PTDSS1: variants seen among roughly 807,000 people sequenced by gnomAD.
The protein encoded by PTDSS1 is phosphatidylserine synthase 1.
PTDSS1 carries 45 observed loss-of-function variants against 70.5 expected under a neutral mutation model. The observed-to-expected ratio is 0.64, with a 90% CI of 0.50 to 0.82. The LOEUF (loss-of-function observed/expected upper bound fraction) is 0.82. PTDSS1 is among the 40% of genes least tolerant of loss of function. The pLI is 0.00. For synonymous variants in PTDSS1, 188 were observed against 203.8 expected (o/e 0.92, Z 0.66); for missense variants, 417 against 586.1 (o/e 0.71, Z 2.98).
At chr8:96,290,417 C>T (rs1162476597) in intron 4 of PTDSS1, among the ~76,000 whole-genome samples, 1 of 152,198 alleles carries the variant, frequency 6.6e-6, no homozygotes, top group African/African-American at 2.4e-5. Flanking sequence ...ATGCTCTTGA[C>T]ACCTGGCTTT....
intron 12 of PTDSS1, 111 bp from the exon 13 acceptor site, chr8:96,333,346 G>A (rs755269236): frequency 4.0e-5 from 35 of 864,482 alleles, no homozygotes; most frequent in Non-Finnish European, 6.2e-5. Context: ...TAGGGGGAGT[G>A]CACGTATCAG....
chr8:96,276,970 G>T (rs1266819505), intron 2 of PTDSS1, among the ~76,000 whole-genome samples: 16 of 115,508 alleles, frequency 1.4e-4, no homozygotes, highest in African/African-American at 5.1e-4. Flanking sequence ...ATACACGCGC[G>T]CACGCGCGCG....
At chr8:96,266,177 C>T (rs1346223696) in intron 1 of PTDSS1, among the ~76,000 whole-genome samples, 1 of 152,198 alleles carries the variant, frequency 6.6e-6, no homozygotes, top group Non-Finnish European at 1.5e-5. Context: ...AAGAAGCCCA[C>T]CTCTCCTTAA....
chr8:96,325,466 C>G (rs1811425862), intron 10 of PTDSS1, among the ~76,000 whole-genome samples: 1 of 152,148 alleles, frequency 6.6e-6, no homozygotes, highest in Non-Finnish European at 1.5e-5. Context: ...TTGCAGTGAA[C>G]CGCTGGCTTT....
Position 96,320,234 on chromosome 8 carries a change from C to T in PTDSS1, c.1074-12C>T. On this transcript the variant is annotated splice_polypyrimidine_tract_variant and intron_variant, in intron 9 of 12. Coordinates refer to ENST00000517309, the MANE Select transcript of PTDSS1 (RefSeq NM_014754.3). ...TGGATTAATACTTAACCTCTGTTCTCTGTCTAATTAGGGTCATTGGTTTCC... is the reference window on the plus strand; with the variant it reads ...TGGATTAATACTTAACCTCTGTTCTTTGTCTAATTAGGGTCATTGGTTTCC... 1 of 1,575,300 alleles carries T rather than the reference C, an allele frequency of 6.3e-7. No homozygotes were observed. The highest frequency in any genetic ancestry group is 8.7e-7 in the Non-Finnish European group (1 of 1,144,774).
At position 96,309,632 on chromosome 8, in the gene PTDSS1, C is replaced by G. The variant is rs777042488; in HGVS notation, c.1073+10C>G. 6.2e-7 allele frequency: 1 copy of G among 1,613,770 alleles called. No individual in the cohort carries two copies. On this transcript the variant is annotated intron_variant, in intron 9 of 12. Coordinates refer to ENST00000517309, the MANE Select transcript of PTDSS1 (RefSeq NM_014754.3). ...AATGCTGGGTGTTTGGGTGAGTAAT[C>G]TGTTATTGTGGAGATTTAAAAACCA...
At chr8:96,329,539 G>T (rs1379368536) in intron 10 of PTDSS1, among the ~76,000 whole-genome samples, 2 of 152,202 alleles carry the variant, frequency 1.3e-5, no homozygotes, top group African/African-American at 4.8e-5. Flanking sequence ...CAGTGAGTGG[G>T]GCAAGTGTGG....
In PTDSS1 at chr8:96,287,161, G is replaced by T. The variant is rs767470103; in HGVS notation, c.441+15G>T. 6.2e-7 allele frequency: 1 copy of T among 1,613,316 alleles called. No individual in the cohort carries two copies. Among genetic ancestry groups the T allele is most frequent in the Non-Finnish European group, 8.5e-7 (1 of 1,179,574 alleles). ...CAGATGTCATGGTATGTACTTGTCA[G>T]TGGCCTCTTGGAGAAACTCGTAGAC... On this transcript the variant is annotated intron_variant, in intron 4 of 12. Transcript: ENST00000517309.
chr8:96,328,871 C>T (rs1278438337), intron 10 of PTDSS1, among the ~76,000 whole-genome samples: 1 of 152,140 alleles, frequency 6.6e-6, no homozygotes, highest in Non-Finnish European at 1.5e-5. Context: ...TGATGCTTTT[C>T]GTTCTCAGGG....
chr8:96,274,807 C>T (rs116241588), intron 2 of PTDSS1, among the ~76,000 whole-genome samples: 1,752 of 152,154 alleles, frequency 0.012, 36 homozygotes, highest in African/African-American at 0.041. Context: ...CGTAGCACTG[C>T]GTTTACAAGA....
chr8:96,317,878 AGTGTGTGTGTGTGTGTGTGTGTGTGT>A (rs10529330), intron 9 of PTDSS1, among the ~76,000 whole-genome samples: 61,059 of 139,854 alleles, frequency 0.44, 12,748 homozygotes, highest in Non-Finnish European at 0.46. Context: ...CTTTTGTTTC[AGTGTGTGTGTGTGTGTGTGTGTGTGT>A]GTGTGTGTGT....
chr8:96,273,801 C>T (rs1810601191), intron 2 of PTDSS1, among the ~76,000 whole-genome samples: 1 of 152,200 alleles, frequency 6.6e-6, no homozygotes, highest in African/African-American at 2.4e-5. Context: ...AGGGTCAATG[C>T]TGTAATGAGT....
intron 12 of PTDSS1, among the ~76,000 whole-genome samples, 168 bp downstream of exon 12, chr8:96,331,263 C>G (rs920861875): frequency 1.3e-5 from 2 of 152,176 alleles, no homozygotes; most frequent in Non-Finnish European, 2.9e-5. Flanking sequence ...CACGGTGGCT[C>G]ACGCCTGTAA....
chr8:96,299,011 G>A (rs889511163), intron 5 of PTDSS1, among the ~76,000 whole-genome samples: 3 of 150,306 alleles, frequency 2.0e-5, no homozygotes, highest in Non-Finnish European at 4.4e-5. Flanking sequence ...CTGCACTCCA[G>A]CCTGGGCAAC....
Position 96,314,859 on chromosome 8 carries a change from G to A in PTDSS1, c.1073+5237G>A, listed in dbSNP as rs570901170. On this transcript the variant is annotated intron_variant, in intron 9 of 12. Coordinates refer to ENST00000517309, the MANE Select transcript of PTDSS1 (RefSeq NM_014754.3). ...GATCCGCCCACCTCAGCCTCCCAAA[G>A]TGCTGGGATTACAGGCGTGAGCCAC... Among the ~76,000 whole-genome samples, 30 of 152,270 alleles carry A rather than the reference G, an allele frequency of 2.0e-4. No individual in the cohort carries two copies. In the East Asian group the frequency reaches 5.6e-3, roughly 29 times the overall value.
At chr8:96,307,175 T>A (rs1264967162) in intron 8 of PTDSS1, among the ~76,000 whole-genome samples, 2 of 152,158 alleles carry the variant, frequency 1.3e-5, no homozygotes, top group African/African-American at 2.4e-5. Flanking sequence ...TTGTTTCATT[T>A]TTCCTATTTA....
Position 96,324,546 on chromosome 8 carries a change from G to A in PTDSS1, c.1173+4201G>A, listed in dbSNP as rs188778589. ...AAGTATGGCAATGGCATCCAGTGAG[G>A]TCATCCCATGGTGGAAGGGCAGAAG... On this transcript the variant is annotated intron_variant, in intron 10 of 12. Transcript: ENST00000517309. Among the ~76,000 whole-genome samples the A allele has an allele frequency of 1.1e-4, 17 of 152,326 alleles. 1 individual carries two copies. In the East Asian group the frequency reaches 3.3e-3, roughly 29 times the overall value.
At chr8:96,314,007 T>G (rs1811248587) in intron 9 of PTDSS1, among the ~76,000 whole-genome samples, 1 of 152,202 alleles carries the variant, frequency 6.6e-6, no homozygotes, top group Non-Finnish European at 1.5e-5. Flanking sequence ...TTTGTTCTTT[T>G]GTTCTTCCAG....
At chr8:96,314,760 C>A (rs1811261253) in intron 9 of PTDSS1, among the ~76,000 whole-genome samples, 1 of 152,084 alleles carries the variant, frequency 6.6e-6, no homozygotes, top group East Asian at 1.9e-4. Flanking sequence ...CCTCGCCTGG[C>A]TAATTTTTTG....
Sources: allele counts gnomAD v4.1 joint callset (sites outside exome capture counted in the v4.1 genomes callset), GRCh38; gene constraint gnomAD v4.1.1; transcripts MANE v1.5; gene names NCBI Gene and HGNC (gene_info 2026-07-23, HGNC 2026-07-21).